VPS50: variants seen among roughly 807,000 people sequenced by gnomAD.
VPS50 encodes VPS50 subunit of EARP/GARPII complex, also known as syndetin.
Under a neutral mutation model 139.7 loss-of-function variants are expected in VPS50, and 70 were observed. That is an observed-to-expected ratio of 0.50 (90% CI 0.41 to 0.61). VPS50 has a LOEUF of 0.61. Among genes scored for constraint, VPS50 ranks in the 20% least tolerant of loss-of-function variants. VPS50 has a pLI of 0.00. For synonymous variants in VPS50, 365 were observed against 376.7 expected (o/e 0.97, Z 0.36); for missense variants, 921 against 1,133.7 (o/e 0.81, Z 2.69).
chr7:93,321,641 G>C (rs929718256), intron 20 of VPS50, among the ~76,000 whole-genome samples: 2 of 152,150 alleles, frequency 1.3e-5, no homozygotes, highest in Non-Finnish European at 2.9e-5. Context: ...TTTCAAGGTG[G>C]TGAGGAACAG....
intron 2 of VPS50, among the ~76,000 whole-genome samples, chr7:93,241,292 G>T (rs1209587277): frequency 6.6e-6 from 1 of 152,008 alleles, no homozygotes; most frequent in Non-Finnish European, 1.5e-5. Flanking sequence ...CTTATTAAAT[G>T]TACACCCCTA....
At chr7:93,320,262 T>TA (rs1797565318) in intron 20 of VPS50, 1 of 152,000 alleles carries the variant, frequency 6.6e-6, no homozygotes, top group Non-Finnish European at 1.5e-5. Context: ...AATCCCAGAA[T>TA]AAGGTAGAAG....
At chr7:93,281,409 C>T (rs888050174) in intron 12 of VPS50, among the ~76,000 whole-genome samples, 2 of 152,004 alleles carry the variant, frequency 1.3e-5, no homozygotes, top group African/African-American at 4.8e-5. Context: ...TTCCTAAATC[C>T]TCAGGATTTT....
intron 23 of VPS50, among the ~76,000 whole-genome samples, chr7:93,343,852 C>G (rs999590200): frequency 6.6e-6 from 1 of 152,156 alleles, no homozygotes; most frequent in African/African-American, 2.4e-5. Context: ...AAAGGAACAA[C>G]CGGTACCAGC....
chr7:93,261,532 G>A (rs533115506), intron 9 of VPS50, among the ~76,000 whole-genome samples: 27 of 152,104 alleles, frequency 1.8e-4, no homozygotes, highest in Non-Finnish European at 3.7e-4. Flanking sequence ...AAAAAAATTA[G>A]CCGGGCCTGG....
intron 20 of VPS50, 139 bp downstream of exon 20, chr7:93,311,411 CT>C (rs1257489604): frequency 3.2e-5 from 17 of 535,508 alleles, no homozygotes; most frequent in Non-Finnish European, 5.0e-5. Flanking sequence ...TATGTCAATG[CT>C]TCTCATTTTA....
Position 93,334,124 on chromosome 7 carries a change from C to A in VPS50, c.1985C>A (p.Ser662Ter). Residue 662 changes from serine (S) to a stop codon, truncating the protein, a stop_gained, in exon 22 of 28, where the codon TCA becomes TAA. Transcript: ENST00000305866. LOFTEE classifies it high-confidence loss of function. Reference sequence around the variant, plus strand: ...AGCCTTTTTCTTTTTCAGTTGGAATCAACTGGACTCGGCCTTAGTAGTAGT... The same window carrying A: ...AGCCTTTTTCTTTTTCAGTTGGAATAAACTGGACTCGGCCTTAGTAGTAGT... ...TFFGRNDSLE[S>*]TGLGLSSSRL... 6.3e-7 allele frequency: 1 copy of A among 1,580,932 alleles called. No homozygotes were observed. Among genetic ancestry groups the A allele is most frequent in the South Asian group, 1.1e-5 (1 of 88,208 alleles).
chr7:93,263,779 G>A (rs1387073553), intron 9 of VPS50, among the ~76,000 whole-genome samples: 2 of 152,026 alleles, frequency 1.3e-5, no homozygotes, highest in African/African-American at 2.4e-5. Context: ...AAGTATAATC[G>A]GCTCTCTGTA....
intron 20 of VPS50, among the ~76,000 whole-genome samples, chr7:93,311,771 A>G (rs1238930785): frequency 2.6e-5 from 4 of 152,148 alleles, no homozygotes; most frequent in Non-Finnish European, 5.9e-5. Context: ...ATGATTTTGT[A>G]GAAGGCAAAC....
At chr7:93,245,457 C>T (rs779857918) in intron 2 of VPS50, among the ~76,000 whole-genome samples, 2 of 151,456 alleles carry the variant, frequency 1.3e-5, no homozygotes, top group South Asian at 2.1e-4. Flanking sequence ...ATGAGATGTT[C>T]GAAAACAAAA....
At chr7:93,273,453 T>C (rs769849127) in intron 11 of VPS50, 1 of 152,108 alleles carries the variant, frequency 6.6e-6, no homozygotes, top group Non-Finnish European at 1.5e-5. Context: ...ATTTAAACTC[T>C]ACATTTTGAA....
chr7:93,341,336 TATTTTA>T (rs1399104135), intron 22 of VPS50, 85 bp from the exon 23 acceptor site: 13 of 761,688 alleles, frequency 1.7e-5, no homozygotes, highest in South Asian at 4.1e-5. Context: ...GCCCCAAGAG[TATTTTA>T]ATTTTAATTC....
rs1053483257 is a variant in VPS50, at chr7:93,360,411, T to G, written c.*1975T>G. On this transcript the variant is annotated 3_prime_UTR_variant, in exon 28 of 28. Transcript: ENST00000305866. ...TTTTAATGCTTTTTGAAAAAGGTTTTTTTTTTTTTTTTTTTTCATTAAAAG... is the reference window on the plus strand; with the variant it reads ...TTTTAATGCTTTTTGAAAAAGGTTTGTTTTTTTTTTTTTTTTCATTAAAAG... 1 of 142,644 alleles carries G rather than the reference T, an allele frequency of 7.0e-6. No individual in the cohort carries two copies. The highest frequency in any genetic ancestry group is 1.6e-5 in the Non-Finnish European group (1 of 63,758). The allele number at this position is 142,644 out of a possible 1,614,324, so 8.8% of individuals were successfully genotyped here.
intron 18 of VPS50, among the ~76,000 whole-genome samples, chr7:93,306,479 A>G (rs1218656340): frequency 6.6e-6 from 1 of 151,938 alleles, no homozygotes; most frequent in Non-Finnish European, 1.5e-5. Flanking sequence ...ATTTAGAAGT[A>G]CAATGTTTTA....
At chr7:93,244,047 C>G (rs1795077322) in intron 2 of VPS50, among the ~76,000 whole-genome samples, 1 of 151,628 alleles carries the variant, frequency 6.6e-6, no homozygotes, top group African/African-American at 2.4e-5. Context: ...GCTGTCTTTA[C>G]TTTTACATGA....
chr7:93,319,368 T>C (rs1464015073), intron 20 of VPS50, among the ~76,000 whole-genome samples: 1 of 152,234 alleles, frequency 6.6e-6, no homozygotes, highest in Non-Finnish European at 1.5e-5. Context: ...ACTTGGTTTC[T>C]TGGCCAGTCC....
At chr7:93,313,214 G>A (rs1797322641) in intron 20 of VPS50, among the ~76,000 whole-genome samples, 1 of 152,144 alleles carries the variant, frequency 6.6e-6, no homozygotes, top group Non-Finnish European at 1.5e-5. Flanking sequence ...GCCAAAGCAA[G>A]TCAGGCTTGG....
At chr7:93,288,004 A>T (rs1796541702) in intron 12 of VPS50, among the ~76,000 whole-genome samples, 1 of 152,122 alleles carries the variant, frequency 6.6e-6, no homozygotes. Context: ...ACAGTTCCAC[A>T]TGACTGGGGA....
At chr7:93,324,133 G>T (rs1325603500) in intron 21 of VPS50, among the ~76,000 whole-genome samples, 1 of 152,172 alleles carries the variant, frequency 6.6e-6, no homozygotes, top group Admixed American at 6.5e-5. Flanking sequence ...AAGAATGCTT[G>T]TGATTTTTGT....
Sources: allele counts gnomAD v4.1 joint callset (sites outside exome capture counted in the v4.1 genomes callset), GRCh38; gene constraint gnomAD v4.1.1; transcripts MANE v1.5; gene names NCBI Gene and HGNC (gene_info 2026-07-23, HGNC 2026-07-21).